Variants in VPS8 observed in about 807,000 individuals in gnomAD.
VPS8 encodes the protein vacuolar protein sorting-associated protein 8 homolog.
VPS8 carries 129 observed loss-of-function variants against 216.4 expected under a neutral mutation model. The ratio of observed to expected loss-of-function variants is 0.60; its 90% CI spans 0.52 to 0.69. VPS8 has a LOEUF of 0.69. VPS8 is among the 30% of genes least tolerant of loss of function. VPS8 has a pLI of 0.00. For synonymous variants in VPS8, 571 were observed against 565.4 expected (o/e 1.01, Z -0.14); for missense variants, 1,531 against 1,683.5 (o/e 0.91, Z 1.59).
chr3:185,010,585 TG>T (rs1208144731), intron 45 of VPS8, among the ~76,000 whole-genome samples: 2 of 152,016 alleles, frequency 1.3e-5, no homozygotes, highest in East Asian at 3.9e-4. Flanking sequence ...AAAACTACAA[TG>T]TCTGAGATGA....
intron 45 of VPS8, among the ~76,000 whole-genome samples, chr3:185,006,841 A>G (rs1489166056): frequency 4.0e-5 from 1 of 24,862 alleles, no homozygotes; most frequent in Non-Finnish European, 4.5e-4. Flanking sequence ...TCCTTCTGTC[A>G]AATGCAGTCC....
At chr3:184,839,491 C>T (rs1442673069) in intron 6 of VPS8, 9 of 547,912 alleles carry the variant, frequency 1.6e-5, no homozygotes, top group Non-Finnish European at 2.6e-5. Flanking sequence ...GATAGTGTTA[C>T]TCCTAGAGTA....
intron 23 of VPS8, among the ~76,000 whole-genome samples, chr3:184,896,810 T>C (rs1427725195): frequency 1.3e-5 from 2 of 152,198 alleles, no homozygotes; most frequent in Non-Finnish European, 2.9e-5. Context: ...ACAAGTATTA[T>C]GTTAAAAATC....
At chr3:184,967,157 G>A (rs1747557242) in intron 39 of VPS8, among the ~76,000 whole-genome samples, 1 of 151,932 alleles carries the variant, frequency 6.6e-6, no homozygotes, top group Non-Finnish European at 1.5e-5. Flanking sequence ...GTAGAGATGG[G>A]GTTTCACCTG....
At chr3:184,893,057 T>A (rs961410989) in intron 22 of VPS8, among the ~76,000 whole-genome samples, 2 of 152,164 alleles carry the variant, frequency 1.3e-5, no homozygotes, top group Non-Finnish European at 2.9e-5. Context: ...GACATGAAAA[T>A]ATTTTGATAA....
At chr3:184,847,949 G>A (rs1723448984) in intron 8 of VPS8, among the ~76,000 whole-genome samples, 1 of 152,088 alleles carries the variant, frequency 6.6e-6, no homozygotes, top group Non-Finnish European at 1.5e-5. Flanking sequence ...GTCTTTCTCT[G>A]TCTCCCAAGC....
intron 15 of VPS8, among the ~76,000 whole-genome samples, chr3:184,860,281 C>T (rs1262566404): frequency 6.6e-6 from 1 of 151,528 alleles, no homozygotes. Context: ...CTGTAGTGCT[C>T]AGTGATCGCT....
intron 6 of VPS8, chr3:184,839,031 T>G (rs953445999): frequency 1.3e-5 from 4 of 303,254 alleles, no homozygotes; most frequent in East Asian, 6.5e-5. Flanking sequence ...TAAATTTGCT[T>G]CTTCTGTGAT....
Position 184,824,585 on chromosome 3 carries a change from C to G in VPS8, c.-48C>G, listed in dbSNP as rs772785124. ...TCTTCGTGAGCTAAGGCCAAACAAA[C>G]AAAAAACACTTGCTTTGATGGACTG... On this transcript the variant is annotated 5_prime_UTR_variant, in exon 2 of 48. Transcript: ENST00000625842. 1.3e-5 allele frequency: 21 copies of G among 1,568,806 alleles called. 1 individual carries two copies. In the South Asian group the frequency reaches 2.3e-4, roughly 17 times the overall value.
intron 46 of VPS8, among the ~76,000 whole-genome samples, chr3:185,044,944 G>T (rs531546655): frequency 1.2e-4 from 19 of 152,312 alleles, no homozygotes; most frequent in African/African-American, 4.6e-4. Context: ...GGGGAAGGAG[G>T]TGTGTGGCTT....
Position 184,936,515 on chromosome 3 carries a change from C to CTGTGTGTGTGTGTG in VPS8, c.2988+213_2988+226dup, listed in dbSNP as rs59011109. Among the ~76,000 whole-genome samples the CTGTGTGTGTGTGTG allele has an allele frequency of 2.4e-3, 283 of 119,428 alleles. 3 individuals carry two copies. Among genetic ancestry groups the CTGTGTGTGTGTGTG allele is most frequent in the Middle Eastern group, 0.018 (4 of 228 alleles). The allele number at this position is 119,428 out of a possible 152,430, so 78.3% of individuals were successfully genotyped here. A position where few individuals can be genotyped will look rare whatever the true frequency, so the allele number is the denominator to read the frequency against. ...TTTCTTTAATGGCACCAACCTAATA[C>CTGTGTGTGTGTGTG]TGTGTGTGTGTGTGTGTGTGTGTGT... On this transcript the variant is annotated intron_variant, in intron 35 of 47. Coordinates refer to ENST00000625842, the MANE Select transcript of VPS8 (RefSeq NM_001009921.3).
chr3:185,021,912 T>A (rs80123796), intron 45 of VPS8, among the ~76,000 whole-genome samples: 10,807 of 152,288 alleles, frequency 0.071, 476 homozygotes, highest in Non-Finnish European at 0.094. Flanking sequence ...CAGCACCTCA[T>A]TCTAGTCAGA....
intron 43 of VPS8, among the ~76,000 whole-genome samples, chr3:184,995,097 G>A (rs1244118089): frequency 1.3e-5 from 2 of 152,172 alleles, no homozygotes; most frequent in Admixed American, 6.5e-5. Context: ...TTTGGGTGGG[G>A]ACACAGCCAA....
intron 42 of VPS8, among the ~76,000 whole-genome samples, chr3:184,993,560 A>G (rs573044560): frequency 1.6e-4 from 24 of 152,198 alleles, no homozygotes; most frequent in African/African-American, 5.3e-4. Context: ...AACTGATGCA[A>G]TTGAGTTGGT....
chr3:184,849,326 G>A (rs2108648040), intron 9 of VPS8, 131 bp downstream of exon 9: 1 of 1,106,460 alleles, frequency 9.0e-7, no homozygotes, highest in South Asian at 1.7e-5. Context: ...ACCAGAGATT[G>A]CTGAATCTGA....
chr3:185,003,909 A>C (rs1753816578), intron 45 of VPS8, among the ~76,000 whole-genome samples: 1 of 142,724 alleles, frequency 7.0e-6, no homozygotes, highest in African/African-American at 2.7e-5. Context: ...GGCGCTCCTC[A>C]CCTCCCAGAC....
At chr3:184,844,331 G>A (rs1411962514) in intron 8 of VPS8, among the ~76,000 whole-genome samples, 1 of 152,070 alleles carries the variant, frequency 6.6e-6, no homozygotes, top group African/African-American at 2.4e-5. Flanking sequence ...TGAGGTGGGA[G>A]AATTGCTTGA....
intron 43 of VPS8, among the ~76,000 whole-genome samples, chr3:184,994,360 TG>T (rs1481908628): frequency 2.0e-5 from 3 of 151,942 alleles, no homozygotes; most frequent in Non-Finnish European, 4.4e-5. Flanking sequence ...AAAAATTAGC[TG>T]GGCATGGTGG....
intron 5 of VPS8, among the ~76,000 whole-genome samples, chr3:184,837,933 A>G (rs546319185): frequency 2.0e-5 from 3 of 152,358 alleles, no homozygotes; most frequent in African/African-American, 7.2e-5. Flanking sequence ...TCTAGGTCTG[A>G]GAATCAAGTA....
Sources: allele counts gnomAD v4.1 joint callset (sites outside exome capture counted in the v4.1 genomes callset), GRCh38; gene constraint gnomAD v4.1.1; transcripts MANE v1.5; gene names NCBI Gene and HGNC (gene_info 2026-07-23, HGNC 2026-07-21).